POFUT3: variants seen among roughly 807,000 people sequenced by gnomAD.
The protein encoded by POFUT3 is GDP-fucose protein O-fucosyltransferase 3.
chr8:33,453,516 A>G, the POFUT3 span: 1 of 1,585,156 alleles, frequency 6.3e-7, no homozygotes, highest in East Asian at 2.2e-5. Flanking sequence ...ATGACCTAAA[A>G]GAGAAGACAA....
the POFUT3 span, among the ~76,000 whole-genome samples, chr8:33,443,030 T>C: frequency 6.6e-6 from 1 of 152,010 alleles, no homozygotes; most frequent in Non-Finnish European, 1.5e-5. Flanking sequence ...GGGGGATCAG[T>C]TGAGCCTGAG....
At chr8:33,443,839 C>T in the POFUT3 span, among the ~76,000 whole-genome samples, 1 of 152,040 alleles carries the variant, frequency 6.6e-6, no homozygotes, top group Non-Finnish European at 1.5e-5. Context: ...TCAACAATGT[C>T]TACTGGCCAG....
At chr8:33,418,086 C>T in the POFUT3 span, among the ~76,000 whole-genome samples, 1 of 152,170 alleles carries the variant, frequency 6.6e-6, no homozygotes. Context: ...CAGCAACGCA[C>T]CATTTTGAGC....
the POFUT3 span, among the ~76,000 whole-genome samples, chr8:33,453,913 C>A: frequency 3.9e-5 from 6 of 152,130 alleles, no homozygotes; most frequent in African/African-American, 1.2e-4. Flanking sequence ...CAAGATCGCG[C>A]CACTGCACTT....
At chr8:33,313,292 C>T in the POFUT3 span, among the ~76,000 whole-genome samples, 3 of 152,158 alleles carry the variant, frequency 2.0e-5, no homozygotes, top group African/African-American at 7.2e-5. Context: ...CTTGCTTGCA[C>T]AAACGCTATT....
chr8:33,436,821 T>C, the POFUT3 span: 6 of 443,280 alleles, frequency 1.4e-5, no homozygotes, highest in Admixed American at 3.5e-5. Flanking sequence ...AGGATGTCCA[T>C]GTGCATGATG....
chr8:33,344,657 G>T, the POFUT3 span, among the ~76,000 whole-genome samples: 2 of 152,120 alleles, frequency 1.3e-5, no homozygotes, highest in Non-Finnish European at 2.9e-5. Context: ...ACTTGCTGAG[G>T]GAAAACAAAA....
At chr8:33,425,315 G>A in the POFUT3 span, among the ~76,000 whole-genome samples, 1 of 151,980 alleles carries the variant, frequency 6.6e-6, no homozygotes, top group Non-Finnish European at 1.5e-5. Flanking sequence ...GCCTGGGCAA[G>A]AGAACAAAAC....
chr8:33,383,343 T>A, the POFUT3 span, among the ~76,000 whole-genome samples: 1 of 152,198 alleles, frequency 6.6e-6, no homozygotes, highest in Admixed American at 6.5e-5. Context: ...ATTCACCTGA[T>A]GGCAATAAAA....
chr8:33,460,425 TAGG>T, the POFUT3 span, among the ~76,000 whole-genome samples: 2 of 152,180 alleles, frequency 1.3e-5, no homozygotes, highest in African/African-American at 4.8e-5. Flanking sequence ...GGATTACAGG[TAGG>T]AGAACTAAGC....
At chr8:33,431,805 A>G in the POFUT3 span, among the ~76,000 whole-genome samples, 228 of 152,230 alleles carry the variant, frequency 1.5e-3, 1 homozygote, top group Non-Finnish European at 1.6e-3. Flanking sequence ...TATATGAGCA[A>G]TAACAAGAGA....
At chr8:33,459,576 G>A in the POFUT3 span, among the ~76,000 whole-genome samples, 7 of 151,330 alleles carry the variant, frequency 4.6e-5, 2 homozygotes, top group African/African-American at 1.7e-4. Context: ...CTGGGAGGTA[G>A]AAGTTGCAGT....
the POFUT3 span, among the ~76,000 whole-genome samples, chr8:33,434,369 G>T: frequency 4.6e-5 from 7 of 152,050 alleles, no homozygotes; most frequent in Non-Finnish European, 8.8e-5. Context: ...GCTCTTCCTA[G>T]CTTTTTCTTT....
At chr8:33,338,221 G>T in the POFUT3 span, among the ~76,000 whole-genome samples, 2 of 152,094 alleles carry the variant, frequency 1.3e-5, no homozygotes, top group Non-Finnish European at 2.9e-5. Context: ...ACACAATTCA[G>T]GCCATAACAA....
chr8:33,412,844 T>A, the POFUT3 span, among the ~76,000 whole-genome samples: 76 of 152,260 alleles, frequency 5.0e-4, 1 homozygote, highest in African/African-American at 1.8e-3. Flanking sequence ...GCCAGGCTGG[T>A]CTCAAACTCC....
At chr8:33,413,102 A>G in the POFUT3 span, among the ~76,000 whole-genome samples, 1 of 152,054 alleles carries the variant, frequency 6.6e-6, no homozygotes, top group Non-Finnish European at 1.5e-5. Flanking sequence ...TTTTCTTCCT[A>G]CCTGTTCCTT....
chr8:33,418,216 CACAG>C, the POFUT3 span, among the ~76,000 whole-genome samples: 7 of 152,154 alleles, frequency 4.6e-5, no homozygotes, highest in African/African-American at 1.2e-4. Flanking sequence ...AAGCATGAGC[CACAG>C]ACAATGATCC....
At chr8:33,444,349 G>A in the POFUT3 span, among the ~76,000 whole-genome samples, 2 of 152,036 alleles carry the variant, frequency 1.3e-5, no homozygotes, top group Non-Finnish European at 2.9e-5. Flanking sequence ...ATGTCTGAGG[G>A]CTGCGAGCAG....
the POFUT3 span, among the ~76,000 whole-genome samples, chr8:33,443,685 G>T: frequency 2.6e-5 from 4 of 152,002 alleles, no homozygotes; most frequent in Non-Finnish European, 5.9e-5. Flanking sequence ...GTAGAGATGG[G>T]GTTTTGCCAT....
Sources: allele counts gnomAD v4.1 joint callset (sites outside exome capture counted in the v4.1 genomes callset), GRCh38; gene constraint gnomAD v4.1.1; transcripts MANE v1.5; gene names NCBI Gene and HGNC (gene_info 2026-07-23, HGNC 2026-07-21).